The following CFAP54 variants were observed in gnomAD, a reference collection of about 807,000 sequenced individuals.
The protein encoded by CFAP54 is cilia- and flagella-associated protein 54.
Under a neutral mutation model 370.4 loss-of-function variants are expected in CFAP54, and 290 were observed. The ratio of observed to expected loss-of-function variants is 0.78; its 90% CI spans 0.71 to 0.86. The LOEUF (loss-of-function observed/expected upper bound fraction) is 0.86, where lower values mean the gene tolerates loss of function less well. Among genes scored for constraint, CFAP54 ranks in the 40% least tolerant of loss-of-function variants. The probability of loss-of-function intolerance (pLI) is 0.00; values close to 1 mark genes in which losing one functional copy is unlikely to be tolerated. For missense variants in CFAP54, 3,399 were observed against 3,528.7 expected, an observed-to-expected ratio of 0.96 and a Z score of 0.93; for synonymous variants, 1,206 against 1,236.5, an observed-to-expected ratio of 0.98 and a Z score of 0.52.
chr12:96,752,085 T>TGTGAGAGAGAGA (rs1555318322), intron 55 of CFAP54, among the ~76,000 whole-genome samples: 1 of 90,624 alleles, frequency 1.1e-5, no homozygotes, highest in African/African-American at 3.9e-5. Context: ...TCTTCCTGGA[T>TGTGAGAGAGAGA]GAGAGAGAGA....
Position 96,685,178 on chromosome 12 carries a change from T to A in CFAP54, c.5954T>A (p.Leu1985Gln), listed in dbSNP as rs1013298209. 6.2e-7 allele frequency: 1 copy of A among 1,614,024 alleles called. No individual in the cohort carries two copies. Among genetic ancestry groups the A allele is most frequent in the African/African-American group, 1.3e-5 (1 of 74,926 alleles). The change falls in exon 42 of 68, where the codon CTG becomes CAG. Residue 1985 changes from leucine to glutamine, a missense_variant. Around this residue, in one of 3 missense-constraint regions of CFAP54, gnomAD observed 2,796 missense variants for 2,869.7 expected, o/e 0.97. Transcript: ENST00000524981. Reference protein sequence around the residue: ...PGFKDYSEEFLSRVGIWGCLQ... With the variant: ...PGFKDYSEEFQSRVGIWGCLQ... ...TTCAAAGACTACAGTGAGGAGTTTC[T>A]GTCAAGAGTTGGCATCTGGGGGTGT...
rs1956139182 is a variant in CFAP54 at position 96,592,734 on chromosome 12, TG to T, written c.3360+99del. 2.0e-5 allele frequency: 8 copies of T among 400,062 alleles called. No homozygotes were observed. The East Asian group carries it at 3.0e-4, about 15-fold the overall frequency. The allele number at this position is 400,062 out of a possible 1,614,324, so 24.8% of individuals were successfully genotyped here. On this transcript the variant is annotated intron_variant, in intron 24 of 67. Transcript: ENST00000524981. Reference sequence around the variant, plus strand: ...TTTTTGAGTGATTGCATAGCTTGTCTGGTGAATGGACTGAAAGGACATTGTA... The same window carrying T: ...TTTTTGAGTGATTGCATAGCTTGTCTGTGAATGGACTGAAAGGACATTGTA...
At chr12:96,863,280 G>A (rs760803183) in intron 67 of CFAP54, among the ~76,000 whole-genome samples, 3 of 151,990 alleles carry the variant, frequency 2.0e-5, no homozygotes, top group East Asian at 1.9e-4. Context: ...CATCATTACC[G>A]CTAACATTAT....
rs1001090795 is a variant in CFAP54 at position 96,820,956 on chromosome 12, A to G, written c.9096+3043A>G. ...CTACTATCTGGTTCATATATGGAAA[A>G]TGATTATTTTCCTCTGAACCCATTT... On this transcript the variant is annotated intron_variant, in intron 65 of 67. Coordinates refer to ENST00000524981, the MANE Select transcript of CFAP54 (RefSeq NM_001306084.2). Among the ~76,000 whole-genome samples, 4 of 152,142 alleles carry G rather than the reference A, an allele frequency of 2.6e-5. No individual in the cohort carries two copies. In the East Asian group the frequency reaches 7.7e-4, roughly 29 times the overall value.
chr12:96,857,924 C>G (rs1373034599), intron 66 of CFAP54, among the ~76,000 whole-genome samples: 1 of 152,140 alleles, frequency 6.6e-6, no homozygotes, highest in Non-Finnish European at 1.5e-5. Context: ...GATCAATATA[C>G]ACGTCTTTGC....
Position 96,623,812 on chromosome 12 carries a change from C to G in CFAP54, c.3817C>G (p.Leu1273Val). 6.5e-7 allele frequency: 1 copy of G among 1,535,670 alleles called. No individual in the cohort carries two copies. The highest frequency in any genetic ancestry group is 2.4e-5 in the East Asian group (1 of 40,878). The change falls in exon 28 of 68, where the codon CTA becomes GTA. Residue 1273 changes from leucine (L) to valine (V), a missense_variant. Leu to Val is a conservative substitution (Grantham distance 32). Around this residue, in one of 3 missense-constraint regions of CFAP54, gnomAD observed 2,796 missense variants for 2,869.7 expected, o/e 0.97. Transcript: ENST00000524981. ...AAAGACTAAGAAGCCACAGCAGATA[C>G]TACTGCCTGAAAAGATAAATGAACA... ...SLKTKKPQQILLPEKINEQLA... is the reference protein window; with the variant it reads ...SLKTKKPQQIVLPEKINEQLA...
At position 96,811,821 on chromosome 12, in the gene CFAP54, C is replaced by G; in HGVS notation, c.8936C>G (p.Ser2979Cys). The part of the protein sequence containing the change: ...HSTYNSTCVG[S>C]LWIPLNRVIA... ...ACTTATAACAGTACATGTGTTGGCT[C>G]TTTATGGATTCCACTGAATAGGCAA... Residue 2979 changes from serine to cysteine, a missense_variant, in exon 64 of 68, where the codon TCT (serine) becomes TGT (cysteine). Ser to Cys is a moderately radical substitution (Grantham distance 112). This residue lies in a region of CFAP54 where 2,796 missense variants were observed against 2,869.7 expected (regional missense o/e 0.97). Coordinates refer to ENST00000524981, the MANE Select transcript of CFAP54 (RefSeq NM_001306084.2). 3 of 1,508,632 alleles carry G rather than the reference C, an allele frequency of 2.0e-6. No homozygotes were observed. Among genetic ancestry groups the G allele is most frequent in the Non-Finnish European group, 2.6e-6 (3 of 1,135,338 alleles). The allele number at this position is 1,508,632 out of a possible 1,614,324, so 93.5% of individuals were successfully genotyped here.
At chr12:96,777,505 A>G (rs1958530019) in intron 60 of CFAP54, among the ~76,000 whole-genome samples, 1 of 152,072 alleles carries the variant, frequency 6.6e-6, no homozygotes, top group Non-Finnish European at 1.5e-5. Context: ...ATGCACCACC[A>G]TGCCCGGCTA....
intron 38 of CFAP54, among the ~76,000 whole-genome samples, chr12:96,659,181 T>TG (rs373528048): frequency 4.5e-4 from 68 of 151,778 alleles, no homozygotes; most frequent in African/African-American, 1.3e-3. Context: ...ATCCCAGAGG[T>TG]GGGGGGGTTC....
chr12:96,839,836 C>T (rs1445696422), intron 66 of CFAP54, among the ~76,000 whole-genome samples: 1 of 152,166 alleles, frequency 6.6e-6, no homozygotes, highest in Non-Finnish European at 1.5e-5. Flanking sequence ...GGGCTGAGAA[C>T]AGACTTGGGC....
rs1280609279 is a variant in CFAP54, at chr12:96,808,938, CA to C, written c.8851-2794del. ...AGGTAAAAAGACCTTGAATGTCTAA[CA>C]AAAGATCTTTATTTTAATGCTTAAT... On this transcript the variant is annotated intron_variant, in intron 63 of 67. Transcript: ENST00000524981. Among the ~76,000 whole-genome samples, 12 of 152,278 alleles carry C rather than the reference CA, an allele frequency of 7.9e-5. No individual in the cohort carries two copies. The East Asian group carries it at 2.3e-3, about 29-fold the overall frequency.
At chr12:96,669,163 C>A (rs1020076520) in intron 39 of CFAP54, among the ~76,000 whole-genome samples, 1 of 152,094 alleles carries the variant, frequency 6.6e-6, no homozygotes, top group African/African-American at 2.4e-5. Flanking sequence ...TCCAGTGGGG[C>A]TAACAGCAAA....
At chr12:96,869,533 A>G (rs1385790178) in intron 67 of CFAP54, among the ~76,000 whole-genome samples, 1 of 152,208 alleles carries the variant, frequency 6.6e-6, no homozygotes, top group Non-Finnish European at 1.5e-5. Context: ...CGATATGGGA[A>G]TACTATTTGA....
chr12:96,633,770 A>G (rs906053786), intron 32 of CFAP54, among the ~76,000 whole-genome samples: 8 of 152,222 alleles, frequency 5.3e-5, no homozygotes, highest in Admixed American at 1.3e-4. Context: ...TTATATAAAC[A>G]TAAATCTTCA....
chr12:96,546,059 G>C (rs1249468991), intron 14 of CFAP54, among the ~76,000 whole-genome samples: 1 of 152,224 alleles, frequency 6.6e-6, no homozygotes, highest in Non-Finnish European at 1.5e-5. Flanking sequence ...GGGGGTCACA[G>C]GAACTTTAGT....
chr12:96,627,039 T>A, intron 30 of CFAP54, 100 bp downstream of exon 30: 1 of 797,190 alleles, frequency 1.3e-6, no homozygotes, highest in Non-Finnish European at 1.7e-6. Flanking sequence ...GAGAGTGGAG[T>A]ATATACAGTT....
At chr12:96,787,448 G>A (rs1233032752) in intron 62 of CFAP54, among the ~76,000 whole-genome samples, 2 of 152,086 alleles carry the variant, frequency 1.3e-5, no homozygotes, top group Non-Finnish European at 2.9e-5. Context: ...AACTTTTTAA[G>A]GTATTGATTG....
intron 23 of CFAP54, among the ~76,000 whole-genome samples, chr12:96,590,032 C>T (rs1270556080): frequency 6.6e-6 from 1 of 152,192 alleles, no homozygotes; most frequent in Non-Finnish European, 1.5e-5. Context: ...CAGGCATAAG[C>T]CACCATGCCC....
Position 96,792,321 on chromosome 12 carries a change from T to C in CFAP54, c.8680-8T>C. On this transcript the variant is annotated splice_polypyrimidine_tract_variant and splice_region_variant and intron_variant, in intron 62 of 67. Transcript: ENST00000524981. Reference sequence around the variant, plus strand: ...GTAATTAAACTGATGTTTTTGTTTGTTCCCTAGTTGTATCGCGATAGTTCT... The same window carrying C: ...GTAATTAAACTGATGTTTTTGTTTGCTCCCTAGTTGTATCGCGATAGTTCT... The C allele has an allele frequency of 6.8e-7, 1 of 1,480,782 alleles. No homozygotes were observed. Among genetic ancestry groups the C allele is most frequent in the Non-Finnish European group, 8.9e-7 (1 of 1,119,304 alleles). The allele number at this position is 1,480,782 out of a possible 1,614,324, so 91.7% of individuals were successfully genotyped here.
Sources: allele counts gnomAD v4.1 joint callset (sites outside exome capture counted in the v4.1 genomes callset), GRCh38; gene constraint gnomAD v4.1.1; regional missense constraint gnomAD v4.1.1; transcripts MANE v1.5; gene names NCBI Gene and HGNC (gene_info 2026-07-23, HGNC 2026-07-21).